JARID2: variants seen among roughly 807,000 people sequenced by gnomAD.
JARID2 encodes the protein protein Jumonji.
Under a neutral mutation model 125.6 loss-of-function variants are expected in JARID2, and 21 were observed. The observed-to-expected ratio is 0.17, with a 90% CI of 0.12 to 0.24. JARID2 has a LOEUF of 0.24. JARID2 is among the 10% of genes least tolerant of loss of function. JARID2 has a pLI of 1.00. For missense variants in JARID2, 1,303 were observed against 1,639.6 expected, an observed-to-expected ratio of 0.79 and a Z score of 3.55; for synonymous variants, 736 against 661.6, an observed-to-expected ratio of 1.11 and a Z score of -1.73.
chr6:15,464,550 G>A (rs184747828), intron 4 of JARID2, among the ~76,000 whole-genome samples: 45 of 152,298 alleles, frequency 3.0e-4, no homozygotes, highest in South Asian at 8.3e-4. Flanking sequence ...ATCCAGGCTT[G>A]GGGAGACAGT....
intron 1 of JARID2, among the ~76,000 whole-genome samples, chr6:15,372,773 G>A (rs1347973481): frequency 6.6e-6 from 1 of 151,408 alleles, no homozygotes. Context: ...GAAGTGGCAC[G>A]ATCTCAGCTC....
rs1488318126 is a variant in JARID2 at position 15,363,757 on chromosome 6, G to A, written c.46-10360G>A. 6.6e-5 allele frequency among the ~76,000 whole-genome samples: 10 copies of A among 152,294 alleles called. No individual in the cohort carries two copies. In the South Asian group the frequency reaches 1.9e-3, roughly 28 times the overall value. On this transcript the variant is annotated intron_variant, in intron 1 of 17. Coordinates refer to ENST00000341776, the MANE Select transcript of JARID2 (RefSeq NM_004973.4). ...GTGCCCTGTCGCTTGGTGGACACAC[G>A]TTATTAGTGGGAAATGCTTTTTGGA...
At chr6:15,459,652 G>A (rs552728022) in intron 4 of JARID2, among the ~76,000 whole-genome samples, 21 of 152,256 alleles carry the variant, frequency 1.4e-4, no homozygotes, top group East Asian at 7.7e-4. Flanking sequence ...CAGCTGAATC[G>A]GCCACAGGTA....
intron 2 of JARID2, 72 bp from the exon 3 acceptor site, chr6:15,410,152 G>C (rs762805288): frequency 2.7e-5 from 37 of 1,388,456 alleles, no homozygotes; most frequent in Non-Finnish European, 3.6e-5. Context: ...GCGTTGTGTA[G>C]GGTTAACTGT....
intron 3 of JARID2, among the ~76,000 whole-genome samples, chr6:15,422,613 A>C (rs973933250): frequency 1.3e-5 from 2 of 152,016 alleles, no homozygotes; most frequent in Non-Finnish European, 2.9e-5. Context: ...TTTAACTCAC[A>C]ATTTCTCACC....
Position 15,512,252 on chromosome 6 carries a change from G to T in JARID2, c.2997G>T (p.Arg999Ser), listed in dbSNP as rs760120711. 6.2e-7 allele frequency: 1 copy of T among 1,614,078 alleles called. No individual in the cohort carries two copies. The highest frequency in any genetic ancestry group is 8.5e-7 in the Non-Finnish European group (1 of 1,180,036). Reference protein sequence around the residue: ...VLCKEGIKVHRTVQQSGQFVV... With the variant: ...VLCKEGIKVHSTVQQSGQFVV... Reference sequence around the variant, plus strand: ...GCAAAGAGGGGATCAAGGTGCACAGGACCGTGCAGCAGAGTGGCCAGTTTG... The same window carrying T: ...GCAAAGAGGGGATCAAGGTGCACAGTACCGTGCAGCAGAGTGGCCAGTTTG... Residue 999 changes from arginine to serine, a missense_variant, in exon 14 of 18, where the codon AGG becomes AGT. Coordinates refer to ENST00000341776, the MANE Select transcript of JARID2 (RefSeq NM_004973.4).
At chr6:15,404,558 CACACACACACACACAG>C (rs1297929400) in intron 2 of JARID2, among the ~76,000 whole-genome samples, 27 of 110,166 alleles carry the variant, frequency 2.5e-4, no homozygotes, top group African/African-American at 8.6e-4. Context: ...CACACACACA[CACACACACACACACAG>C]AAATTGCTGC....
chr6:15,359,553 G>T (rs1763720061), intron 1 of JARID2, among the ~76,000 whole-genome samples: 1 of 151,964 alleles, frequency 6.6e-6, no homozygotes, highest in South Asian at 2.1e-4. Context: ...CACTCACTCG[G>T]CCCCTCATTT....
chr6:15,379,789 C>A (rs1764508485), intron 2 of JARID2, among the ~76,000 whole-genome samples: 1 of 152,150 alleles, frequency 6.6e-6, no homozygotes, highest in South Asian at 2.1e-4. Context: ...AGTGGATTAG[C>A]AATTTGCCTA....
chr6:15,266,541 G>T (rs1019016430), intron 1 of JARID2, among the ~76,000 whole-genome samples: 1 of 152,174 alleles, frequency 6.6e-6, no homozygotes, highest in African/African-American at 2.4e-5. Flanking sequence ...GCAGCGCTTG[G>T]TTGCACTTCC....
chr6:15,285,929 A>C (rs1476205639), intron 1 of JARID2, among the ~76,000 whole-genome samples: 1 of 152,252 alleles, frequency 6.6e-6, no homozygotes, highest in African/African-American at 2.4e-5. Flanking sequence ...GCAGGTTGAC[A>C]GTGGTTGACT....
rs774603953 is a variant in JARID2 at position 15,496,712 on chromosome 6, G to A, written c.1487G>A (p.Arg496Lys). The A allele has an allele frequency of 6.2e-7, 1 of 1,613,616 alleles. No homozygotes were observed. The highest frequency in any genetic ancestry group is 8.5e-7 in the Non-Finnish European group (1 of 1,179,942). ...GAAGTGCCGGAGCGCAGTCTGGAGAGGAATCGGCCGAAGCGGGCCACGGCC... is the reference window on the plus strand; with the variant it reads ...GAAGTGCCGGAGCGCAGTCTGGAGAAGAATCGGCCGAAGCGGGCCACGGCC... ...KKEVPERSLE[R>K]NRPKRATAGK... Residue 496 changes from arginine (R) to lysine (K), a missense_variant, in exon 7 of 18, where the codon AGG (arginine) becomes AAG (lysine). This residue lies in a region of JARID2 where 651 missense variants were observed against 581.6 expected (regional missense o/e 1.12). Coordinates refer to ENST00000341776, the MANE Select transcript of JARID2 (RefSeq NM_004973.4).
intron 1 of JARID2, among the ~76,000 whole-genome samples, chr6:15,256,329 A>C (rs779994319): frequency 6.6e-6 from 1 of 152,164 alleles, no homozygotes; most frequent in East Asian, 1.9e-4. Context: ...ATCACCTTCT[A>C]CCTCTGTCCT....
chr6:15,271,915 G>A (rs1043887755), intron 1 of JARID2, among the ~76,000 whole-genome samples: 4 of 152,156 alleles, frequency 2.6e-5, no homozygotes, highest in Non-Finnish European at 4.4e-5. Flanking sequence ...CAGGAGAATC[G>A]CCTGAAACTG....
Position 15,369,964 on chromosome 6 carries a change from G to A in JARID2, c.46-4153G>A, listed in dbSNP as rs564493128. Among the ~76,000 whole-genome samples, 109 of 152,300 alleles carry A rather than the reference G, an allele frequency of 7.2e-4. 1 individual carries two copies. The highest frequency in any genetic ancestry group is 2.3e-3 in the African/African-American group (97 of 41,556). On this transcript the variant is annotated intron_variant, in intron 1 of 17. Transcript: ENST00000341776. ...ACACCAGCCTCTGCTGAGAATCAGA[G>A]GTGTGGCTGAGCCCCTTGGGATTAG... is the stretch of plus-strand genomic sequence containing the variant.
chr6:15,425,492 T>C (rs2127593165), intron 3 of JARID2, among the ~76,000 whole-genome samples: 1 of 151,994 alleles, frequency 6.6e-6, no homozygotes, highest in African/African-American at 2.4e-5. Flanking sequence ...AATGTAGAGG[T>C]GTTGGGGTCA....
At chr6:15,267,902 C>A (rs1040798726) in intron 1 of JARID2, among the ~76,000 whole-genome samples, 1 of 152,040 alleles carries the variant, frequency 6.6e-6, no homozygotes, top group Non-Finnish European at 1.5e-5. Context: ...AAAGTTGGTT[C>A]CATGAAGTGT....
chr6:15,405,402 G>C (rs762216655), intron 2 of JARID2, among the ~76,000 whole-genome samples: 1 of 152,222 alleles, frequency 6.6e-6, no homozygotes, highest in Non-Finnish European at 1.5e-5. Context: ...AATGGTCTTG[G>C]ATCCCAGACG....
chr6:15,352,015 A>G (rs1310346996), intron 1 of JARID2, among the ~76,000 whole-genome samples: 1 of 151,948 alleles, frequency 6.6e-6, no homozygotes, highest in Non-Finnish European at 1.5e-5. Flanking sequence ...GCTGTGAGGC[A>G]TTTAAAATTG....
Sources: gnomAD v4.1 joint callset for allele counts (sites outside exome capture counted in the v4.1 genomes callset) on GRCh38, gnomAD v4.1.1 for gene constraint, gnomAD v4.1.1 regional missense constraint, MANE v1.5 for transcripts, NCBI Gene and HGNC (gene_info 2026-07-23, HGNC 2026-07-21) for gene names.